Variants in SCARA3 observed in about 807,000 individuals in gnomAD.
SCARA3 encodes cellular stress response gene protein.
SCARA3 carries 39 observed loss-of-function variants against 47.0 expected under a neutral mutation model. The observed-to-expected ratio is 0.83, with a 90% CI of 0.64 to 1.08. SCARA3 has a LOEUF of 1.08. SCARA3 is among the 50% of genes least tolerant of loss of function. The pLI is 0.00. For missense variants in SCARA3, 724 were observed against 792.3 expected (o/e 0.91, Z 1.04); for synonymous variants, 356 against 334.1 (o/e 1.07, Z -0.71).
chr8:27,658,573 G>A lies in SCARA3; in HGVS notation c.403G>A (p.Glu135Lys), dbSNP rs747023104. 1.9e-6 allele frequency: 3 copies of A among 1,614,182 alleles called. No homozygotes were observed. The highest frequency in any genetic ancestry group is 1.6e-4 in the Middle Eastern group (1 of 6,062). Residue 135 changes from glutamate to lysine, a missense_variant, in exon 5 of 6, where the codon GAG (glutamate) becomes AAG (lysine). Transcript: ENST00000301904. ...GCCAGAGATCCGAAAACTGCAGGAG[G>A]AGCTGGAGGGAATTCAGAAGCTGCT... ...LGPEIRKLQEELEGIQKLLLA... is the reference protein window; with the variant it reads ...LGPEIRKLQEKLEGIQKLLLA...
the SCARA3 span, among the ~76,000 whole-genome samples, chr8:27,682,678 A>G: frequency 6.6e-6 from 1 of 152,204 alleles, no homozygotes; most frequent in East Asian, 1.9e-4. Context: ...TAAAACCACT[A>G]CACTCATAAT....
the SCARA3 span, among the ~76,000 whole-genome samples, chr8:27,714,735 T>C: frequency 6.6e-6 from 1 of 152,206 alleles, no homozygotes; most frequent in East Asian, 1.9e-4. Context: ...TTTCTCCCTT[T>C]CTGTATTTGT....
intron 5 of SCARA3, among the ~76,000 whole-genome samples, chr8:27,663,001 G>C (rs1040504093): frequency 1.3e-5 from 2 of 152,280 alleles, no homozygotes; most frequent in Non-Finnish European, 2.9e-5. Flanking sequence ...TGCCTATTTG[G>C]AGAGGCCCGT....
chr8:27,655,792 G>A (rs1047455503), intron 3 of SCARA3, among the ~76,000 whole-genome samples: 1 of 152,114 alleles, frequency 6.6e-6, no homozygotes, highest in South Asian at 2.1e-4. Context: ...TATTTATATA[G>A]AGTGCCATGC....
intron 1 of SCARA3, among the ~76,000 whole-genome samples, chr8:27,639,598 G>A (rs886854204): frequency 4.6e-5 from 7 of 152,164 alleles, no homozygotes; most frequent in Admixed American, 1.3e-4. Flanking sequence ...AAGGACACGC[G>A]GTTGTGTCTG....
At chr8:27,725,049 C>A in the SCARA3 span, among the ~76,000 whole-genome samples, 1 of 152,120 alleles carries the variant, frequency 6.6e-6, no homozygotes, top group Non-Finnish European at 1.5e-5. Flanking sequence ...CTCTGGGAGG[C>A]CAAGGTAGGA....
the SCARA3 span, among the ~76,000 whole-genome samples, chr8:27,716,145 G>GA: frequency 2.7e-4 from 40 of 148,620 alleles, no homozygotes; most frequent in East Asian, 1.2e-3. Flanking sequence ...GTGTCTACAA[G>GA]AAAAAAAAAA....
chr8:27,655,714 T>C (rs1191010265), intron 3 of SCARA3, among the ~76,000 whole-genome samples: 5 of 152,220 alleles, frequency 3.3e-5, no homozygotes, highest in Non-Finnish European at 7.3e-5. Context: ...AAGTTTTATT[T>C]ATGAGCTCAG....
At chr8:27,646,100 T>C (rs995414018) in intron 1 of SCARA3, among the ~76,000 whole-genome samples, 6 of 152,274 alleles carry the variant, frequency 3.9e-5, no homozygotes, top group African/African-American at 1.4e-4. Flanking sequence ...CGGGGCTTAG[T>C]GCTGGAAGAC....
the SCARA3 span, among the ~76,000 whole-genome samples, chr8:27,712,350 T>C: frequency 6.6e-6 from 1 of 151,686 alleles, no homozygotes; most frequent in Non-Finnish European, 1.5e-5. Flanking sequence ...GATCACGAGG[T>C]CAGGAGATCG....
At chr8:27,647,472 A>C (rs529763861) in intron 1 of SCARA3, among the ~76,000 whole-genome samples, 2 of 152,294 alleles carry the variant, frequency 1.3e-5, no homozygotes, top group South Asian at 4.1e-4. Context: ...AACTGCTGGG[A>C]AGCCTAATAC....
the SCARA3 span, among the ~76,000 whole-genome samples, chr8:27,693,138 A>AAG: frequency 0.45 from 64,209 of 141,278 alleles, 14,240 homozygotes; most frequent in Middle Eastern, 0.56. Context: ...AAAAAAAAAA[A>AAG]AAAGAAAAAG....
intron 5 of SCARA3, among the ~76,000 whole-genome samples, 192 bp from the exon 6 acceptor site, chr8:27,670,708 G>T (rs1017260143): frequency 6.6e-6 from 1 of 152,124 alleles, no homozygotes; most frequent in Admixed American, 6.5e-5. Flanking sequence ...GGAGCTTCTC[G>T]AAGCTGGCCA....
chr8:27,683,293 T>C, the SCARA3 span, among the ~76,000 whole-genome samples: 1 of 152,164 alleles, frequency 6.6e-6, no homozygotes, highest in Non-Finnish European at 1.5e-5. Flanking sequence ...TGTAATTGAC[T>C]GTAAAGAAGC....
chr8:27,663,111 A>G, intron 5 of SCARA3, among the ~76,000 whole-genome samples: 1 of 152,234 alleles, frequency 6.6e-6, no homozygotes, highest in East Asian at 1.9e-4. Context: ...CAGCCCATGG[A>G]TCAGTACATA....
At chr8:27,702,814 G>A in the SCARA3 span, 1 of 152,314 alleles carries the variant, frequency 6.6e-6, no homozygotes, top group Non-Finnish European at 1.5e-5. Flanking sequence ...TCTCTGCCAA[G>A]ACCTCTTTTT....
downstream of SCARA3, among the ~76,000 whole-genome samples, chr8:27,676,058 A>G (rs750075002): frequency 6.6e-6 from 1 of 152,200 alleles, no homozygotes; most frequent in Non-Finnish European, 1.5e-5. Context: ...GTGTGTTTGC[A>G]TTTTATAGAT....
At chr8:27,641,846 T>C (rs1034939205) in intron 1 of SCARA3, among the ~76,000 whole-genome samples, 1 of 152,176 alleles carries the variant, frequency 6.6e-6, no homozygotes, top group South Asian at 2.1e-4. Flanking sequence ...TCCATTCAAG[T>C]TGATGGCAGG....
the SCARA3 span, among the ~76,000 whole-genome samples, chr8:27,716,048 G>A: frequency 6.6e-6 from 1 of 152,128 alleles, no homozygotes; most frequent in Admixed American, 6.5e-5. Context: ...GCTCATGCCT[G>A]TAATCCCAAA....
Sources: allele counts gnomAD v4.1 joint callset (sites outside exome capture counted in the v4.1 genomes callset), GRCh38; gene constraint gnomAD v4.1.1; transcripts MANE v1.5; gene names NCBI Gene and HGNC (gene_info 2026-07-23, HGNC 2026-07-21).